The following CUL2 variants were observed in gnomAD, a reference collection of about 807,000 sequenced individuals.
The protein encoded by CUL2 is cullin-2.
In CUL2, 22 loss-of-function variants were observed where a neutral mutation model predicts 110.2. That is an observed-to-expected ratio of 0.20 (90% CI 0.14 to 0.28). CUL2 has a LOEUF of 0.28. CUL2 is among the 10% of genes least tolerant of loss of function. CUL2 has a pLI of 1.00. For synonymous variants in CUL2, 279 were observed against 293.2 expected (o/e 0.95, Z 0.49); for missense variants, 631 against 905.5 (o/e 0.70, Z 3.89).
chr10:35,033,756 CAA>C lies in CUL2; in HGVS notation c.1003-485_1003-484del, dbSNP rs66943310. Among the ~76,000 whole-genome samples the C allele has an allele frequency of 5.8e-3, 784 of 134,500 alleles. 1 individual carries two copies. Among genetic ancestry groups the C allele is most frequent in the African/African-American group, 0.013 (455 of 36,190 alleles). 88.2% of individuals were successfully genotyped at this position (134,500 alleles called of 152,430 possible). On this transcript the variant is annotated intron_variant, in intron 10 of 20. Transcript: ENST00000374749. ...CGTCTCAGAAAAACAACAACAACAA[CAA>C]AAAAAAAAAAAAAGGAAGAAAGAAA... is the stretch of plus-strand genomic sequence containing the variant.
In CUL2 at chr10:35,010,196, A is replaced by C; in HGVS notation, c.*115T>G. On this transcript the variant is annotated 3_prime_UTR_variant, in exon 21 of 21. Coordinates refer to ENST00000374749, the MANE Select transcript of CUL2 (RefSeq NM_003591.4). ...CACTGGTGATGTTGTAAACAGCAGA[A>C]AACAGGGGCTGCCAAATGACCAAAT... The C allele has an allele frequency of 8.7e-7, 1 of 1,147,698 alleles. No individual in the cohort carries two copies. The highest frequency in any genetic ancestry group is 1.6e-5 in the African/African-American group (1 of 62,434). 71.1% of individuals were successfully genotyped at this position (1,147,698 alleles called of 1,614,324 possible).
At chr10:35,064,912 G>A (rs912946180) in intron 2 of CUL2, among the ~76,000 whole-genome samples, 1 of 152,176 alleles carries the variant, frequency 6.6e-6, no homozygotes, top group Non-Finnish European at 1.5e-5. Flanking sequence ...TAAGGAGAAA[G>A]GAGCTACACA....
At chr10:35,062,244 A>G (rs974651795) in intron 3 of CUL2, among the ~76,000 whole-genome samples, 7 of 152,182 alleles carry the variant, frequency 4.6e-5, no homozygotes, top group Non-Finnish European at 5.9e-5. Flanking sequence ...TAATAAAAAA[A>G]CTGGTCACAG....
rs34714483 is a variant in CUL2, at chr10:35,075,635, A to AACACAC, written c.-22-4302_-22-4297dup. 9.0e-3 allele frequency among the ~76,000 whole-genome samples: 1,273 copies of AACACAC among 140,970 alleles called. 6 individuals carry two copies. The highest frequency in any genetic ancestry group is 0.047 in the Middle Eastern group (13 of 276). The allele number at this position is 140,970 out of a possible 152,430, so 92.5% of individuals were successfully genotyped here. On this transcript the variant is annotated intron_variant, in intron 1 of 20. Coordinates refer to ENST00000374749, the MANE Select transcript of CUL2 (RefSeq NM_003591.4). ...GGCTAGGGCCACTTATGGGCCCTAA[A>AACACAC]ACACACACACACACACACACACACA...
intron 2 of CUL2, among the ~76,000 whole-genome samples, chr10:35,069,646 G>A (rs2086631362): frequency 6.6e-6 from 1 of 151,748 alleles, no homozygotes; most frequent in African/African-American, 2.4e-5. Context: ...CACTTTCCAG[G>A]GAAGTAATCT....
At chr10:35,046,965 A>T (rs551182542) in intron 6 of CUL2, among the ~76,000 whole-genome samples, 2 of 152,156 alleles carry the variant, frequency 1.3e-5, no homozygotes, top group Non-Finnish European at 2.9e-5. Context: ...GGAAAGAAAC[A>T]AACAGTTATT....
intron 1 of CUL2, among the ~76,000 whole-genome samples, chr10:35,103,551 C>G (rs567091355): frequency 1.3e-5 from 2 of 152,056 alleles, no homozygotes; most frequent in South Asian, 4.2e-4. Context: ...TCTCGATCTC[C>G]TGACCTCGTG....
chr10:35,025,202 T>TAAAAA lies in CUL2; in HGVS notation c.1618-9_1618-5dup. ...GTTGGCTATAAAATAATTCAAACTGTAAAAAAAAAAAAAAAACACACATTA... is the reference window on the plus strand; with the variant it reads ...GTTGGCTATAAAATAATTCAAACTGTAAAAAAAAAAAAAAAAAAAAACACACATTA... On this transcript the variant is annotated splice_region_variant and splice_polypyrimidine_tract_variant and intron_variant, in intron 16 of 20. Transcript: ENST00000374749. 4.2e-6 allele frequency: 6 copies of TAAAAA among 1,434,426 alleles called. No homozygotes were observed. The highest frequency in any genetic ancestry group is 1.9e-4 in the Middle Eastern group (1 of 5,170). 88.9% of individuals were successfully genotyped at this position (1,434,426 alleles called of 1,614,324 possible).
At chr10:35,073,952 A>T in intron 1 of CUL2, 1 of 682,504 alleles carries the variant, frequency 1.5e-6, no homozygotes, top group South Asian at 1.5e-5. Context: ...CAAGTGATTC[A>T]GAAACTTGCT....
chr10:35,042,350 G>A (rs1467189439), intron 8 of CUL2, among the ~76,000 whole-genome samples: 1 of 152,074 alleles, frequency 6.6e-6, no homozygotes, highest in Non-Finnish European at 1.5e-5. Context: ...TCTTTTTAAA[G>A]ACTGTGTGGT....
intron 8 of CUL2, among the ~76,000 whole-genome samples, chr10:35,042,556 C>G (rs1444567837): frequency 6.6e-6 from 1 of 152,090 alleles, no homozygotes; most frequent in Non-Finnish European, 1.5e-5. Flanking sequence ...GTCATAAGAC[C>G]CTCCCCAGAG....
chr10:35,100,578 A>G (rs1589061717), intron 2 of CUL2, among the ~76,000 whole-genome samples: 1 of 152,058 alleles, frequency 6.6e-6, no homozygotes, highest in African/African-American at 2.4e-5. Context: ...CCTGGCCAAC[A>G]TGGCGAAACC....
upstream of CUL2, chr10:35,090,528 G>A (rs984015656): frequency 6.5e-6 from 1 of 152,738 alleles, no homozygotes; most frequent in Non-Finnish European, 1.5e-5. Context: ...AGGACGGGCC[G>A]ATCACGGGAT....
chr10:35,088,499 C>CAAAAAAAAAAA (rs9299718), intron 1 of CUL2, among the ~76,000 whole-genome samples: 4 of 88,570 alleles, frequency 4.5e-5, no homozygotes, highest in Non-Finnish European at 5.9e-5. Flanking sequence ...GACTCCGCCT[C>CAAAAAAAAAAA]AAAAAAAAAA....
intron 1 of CUL2, among the ~76,000 whole-genome samples, chr10:35,075,536 TCAC>T (rs2086794068): frequency 1.3e-5 from 2 of 151,964 alleles, no homozygotes; most frequent in African/African-American, 4.8e-5. Context: ...TCTCCTGAAA[TCAC>T]CACAGTCCCT....
At chr10:35,116,956 CAA>C (rs199712281) in intron 1 of CUL2, among the ~76,000 whole-genome samples, 8 of 120,876 alleles carry the variant, frequency 6.6e-5, no homozygotes, top group Admixed American at 1.7e-4. Flanking sequence ...GATTCCGTCT[CAA>C]AAAAAAAAAA....
At chr10:35,058,801 C>T (rs1479100726) in intron 4 of CUL2, among the ~76,000 whole-genome samples, 1 of 152,182 alleles carries the variant, frequency 6.6e-6, no homozygotes, top group Non-Finnish European at 1.5e-5. Context: ...CCTCTTTGGA[C>T]AAAACAGCCA....
intron 2 of CUL2, among the ~76,000 whole-genome samples, chr10:35,099,223 CT>C (rs1411540360): frequency 2.6e-5 from 4 of 151,164 alleles, no homozygotes; most frequent in African/African-American, 9.7e-5. Flanking sequence ...AAAACCTGTT[CT>C]TCTAAAATAC....
chr10:35,103,559 G>A (rs536021106), intron 1 of CUL2, among the ~76,000 whole-genome samples: 4 of 151,936 alleles, frequency 2.6e-5, no homozygotes, highest in East Asian at 3.9e-4. Flanking sequence ...TCCTGACCTC[G>A]TGATCCGCCC....
Sources: allele counts gnomAD v4.1 joint callset (sites outside exome capture counted in the v4.1 genomes callset), GRCh38; gene constraint gnomAD v4.1.1; transcripts MANE v1.5; gene names NCBI Gene and HGNC (gene_info 2026-07-23, HGNC 2026-07-21).